The following DAPL1 variants were observed in gnomAD, a reference collection of about 807,000 sequenced individuals.
DAPL1 encodes the protein death associated protein like 1.
In DAPL1, 17 loss-of-function variants were observed where a neutral mutation model predicts 12.9. That is an observed-to-expected ratio of 1.32 (90% CI 0.90 to 1.98). The LOEUF is 1.98. Ranked by LOEUF, DAPL1 falls within the 30% of genes most tolerant of loss-of-function variation. The pLI, the probability that DAPL1 is intolerant of heterozygous loss-of-function variation, is 0.00. For missense variants in DAPL1, 157 were observed against 125.7 expected, an observed-to-expected ratio of 1.25 and a Z score of -1.19; for synonymous variants, 51 against 42.0, an observed-to-expected ratio of 1.21 and a Z score of -0.82.
intron 3 of DAPL1, among the ~76,000 whole-genome samples, chr2:158,812,774 G>A (rs995950738): frequency 2.2e-5 from 3 of 137,814 alleles, no homozygotes; most frequent in Non-Finnish European, 4.6e-5. Context: ...CAGTCTGGGT[G>A]ACAGAGCAAA....
intron 1 of DAPL1, among the ~76,000 whole-genome samples, chr2:158,799,648 A>G (rs2059155139): frequency 6.6e-6 from 1 of 152,082 alleles, no homozygotes; most frequent in East Asian, 1.9e-4. Context: ...TAGGGATATT[A>G]TCTTCCGCTT....
At chr2:158,810,408 C>T (rs1251228736) in intron 3 of DAPL1, among the ~76,000 whole-genome samples, 1 of 152,134 alleles carries the variant, frequency 6.6e-6, no homozygotes, top group African/African-American at 2.4e-5. Flanking sequence ...CCCAAGAACC[C>T]ATGTTATTTC....
intron 3 of DAPL1, 69 bp from the exon 4 acceptor site, chr2:158,815,636 C>A: frequency 1.1e-6 from 1 of 935,110 alleles, no homozygotes; most frequent in Non-Finnish European, 1.8e-6. Context: ...ATATCACTTT[C>A]TACTAGTTTA....
At chr2:158,796,987 T>C (rs1052633812) in intron 1 of DAPL1, among the ~76,000 whole-genome samples, 2 of 152,272 alleles carry the variant, frequency 1.3e-5, no homozygotes, top group African/African-American at 4.8e-5. Context: ...TCCTTCAGCC[T>C]GTCTTGCCAC....
intron 1 of DAPL1, among the ~76,000 whole-genome samples, chr2:158,802,379 G>A (rs185127114): frequency 2.0e-5 from 3 of 152,290 alleles, no homozygotes; most frequent in East Asian, 1.9e-4. Context: ...TAGAATGAGC[G>A]AGGCACATTC....
At chr2:158,807,218 G>A in intron 3 of DAPL1, 103 bp downstream of exon 3, 1 of 691,844 alleles carries the variant, frequency 1.4e-6, no homozygotes, top group Non-Finnish European at 2.3e-6. Flanking sequence ...TTCCAACCCA[G>A]AGGTTTGAGG....
rs1217763241 is a variant in DAPL1 at position 158,815,702 on chromosome 2, T to C, written c.208-3T>C. On this transcript the variant is annotated splice_region_variant and splice_polypyrimidine_tract_variant and intron_variant, in intron 3 of 3. Coordinates refer to ENST00000309950, the MANE Select transcript of DAPL1 (RefSeq NM_001017920.3). Reference sequence around the variant, plus strand: ...CTATTTTTTCTTCCCTTCTCACCTTTAGCTCAACTATAAATTTCCAGCAAC... The same window carrying C: ...CTATTTTTTCTTCCCTTCTCACCTTCAGCTCAACTATAAATTTCCAGCAAC... The C allele has an allele frequency of 5.0e-6, 8 of 1,597,070 alleles. No individual in the cohort carries two copies. Among genetic ancestry groups the C allele is most frequent in the Non-Finnish European group, 6.9e-6 (8 of 1,164,356 alleles).
At chr2:158,812,191 C>A (rs1467873807) in intron 3 of DAPL1, among the ~76,000 whole-genome samples, 1 of 152,198 alleles carries the variant, frequency 6.6e-6, no homozygotes, top group African/African-American at 2.4e-5. Flanking sequence ...CAATTATGGG[C>A]AGTTTCTCTA....
At chr2:158,809,812 A>G (rs923012984) in intron 3 of DAPL1, among the ~76,000 whole-genome samples, 15 of 152,306 alleles carry the variant, frequency 9.8e-5, no homozygotes, top group African/African-American at 3.6e-4. Context: ...GGACTATCTC[A>G]AAAACGAACA....
intron 3 of DAPL1, among the ~76,000 whole-genome samples, chr2:158,814,870 T>C (rs1024573980): frequency 2.0e-5 from 3 of 152,188 alleles, no homozygotes; most frequent in East Asian, 1.9e-4. Flanking sequence ...CTTTTACATA[T>C]TGATGGGCTT....
At position 158,815,940 on chromosome 2, in the gene DAPL1, T is replaced by C; in HGVS notation, c.*119T>C. The stretch of plus-strand genomic sequence containing the variant: ...TGCTTGGTAAATTAAGCAGCTTTTG[T>C]ATCTTCCCCTTTGACTTTAGGTAAT... On this transcript the variant is annotated 3_prime_UTR_variant, in exon 4 of 4. Coordinates refer to ENST00000309950, the MANE Select transcript of DAPL1 (RefSeq NM_001017920.3). The C allele has an allele frequency of 1.4e-6, 1 of 707,664 alleles. No individual in the cohort carries two copies. The highest frequency in any genetic ancestry group is 2.5e-6 in the Non-Finnish European group (1 of 396,924). 43.8% of individuals were successfully genotyped at this position (707,664 alleles called of 1,614,324 possible).
Position 158,799,518 on chromosome 2 carries a change from T to C in DAPL1, c.58+4088T>C, listed in dbSNP as rs975981296. On this transcript the variant is annotated intron_variant, in intron 1 of 3. Coordinates refer to ENST00000309950, the MANE Select transcript of DAPL1 (RefSeq NM_001017920.3). ...GGCTTGTCTAGACCCCAGGAGATCA[T>C]TGTGATCAGTGTTCCCAGCAGAGAT... Among the ~76,000 whole-genome samples the C allele has an allele frequency of 4.6e-5, 7 of 152,130 alleles. No homozygotes were observed. In the South Asian group the frequency reaches 6.2e-4, roughly 14 times the overall value.
At chr2:158,804,397 C>T (rs551914451) in intron 2 of DAPL1, 28 bp downstream of exon 2, 15 of 1,533,044 alleles carry the variant, frequency 9.8e-6, no homozygotes, top group Non-Finnish European at 1.3e-5. Flanking sequence ...TTCTCCATCA[C>T]CTTGAGGAGT....
chr2:158,807,810 G>A (rs1335523137), intron 3 of DAPL1: 1 of 152,158 alleles, frequency 6.6e-6, no homozygotes, highest in African/African-American at 2.4e-5. Context: ...ACCACCCCCA[G>A]TTAATTTTGT....
intron 1 of DAPL1, among the ~76,000 whole-genome samples, chr2:158,800,768 C>G (rs781378441): frequency 6.6e-6 from 1 of 152,216 alleles, no homozygotes; most frequent in Non-Finnish European, 1.5e-5. Flanking sequence ...TCACTCTGGT[C>G]ACTCTCCTCT....
intron 3 of DAPL1, among the ~76,000 whole-genome samples, chr2:158,813,099 A>C (rs2059240423): frequency 6.6e-6 from 1 of 152,228 alleles, no homozygotes; most frequent in African/African-American, 2.4e-5. Flanking sequence ...ATGGACCTTG[A>C]AGACATTATG....
chr2:158,803,547 A>C (rs905650591), intron 1 of DAPL1, among the ~76,000 whole-genome samples: 3 of 152,250 alleles, frequency 2.0e-5, no homozygotes, highest in African/African-American at 4.8e-5. Flanking sequence ...ATTTGCTTTG[A>C]CTTGCTATCT....
intron 3 of DAPL1, among the ~76,000 whole-genome samples, chr2:158,809,986 A>G (rs66590986): frequency 0.22 from 33,231 of 152,008 alleles, 4,107 homozygotes; most frequent in African/African-American, 0.33. Flanking sequence ...GAGTAGGAGG[A>G]TTGATTACAA....
At chr2:158,799,314 T>C (rs1045592241) in intron 1 of DAPL1, among the ~76,000 whole-genome samples, 8 of 152,204 alleles carry the variant, frequency 5.3e-5, no homozygotes, top group East Asian at 1.9e-4. Context: ...CCAATTCCAA[T>C]TGATCTTTCT....
Sources: allele counts gnomAD v4.1 joint callset (sites outside exome capture counted in the v4.1 genomes callset), GRCh38; gene constraint gnomAD v4.1.1; transcripts MANE v1.5; gene names NCBI Gene and HGNC (gene_info 2026-07-23, HGNC 2026-07-21).